Variants in GK5 observed in about 807,000 individuals in gnomAD.
GK5 encodes the protein glycerol kinase 5, also known as ATP:glycerol 3-phosphotransferase 5.
Under a neutral mutation model 77.3 loss-of-function variants are expected in GK5, and 39 were observed. That is an observed-to-expected ratio of 0.50 (90% CI 0.39 to 0.66). The LOEUF (loss-of-function observed/expected upper bound fraction) is 0.66. GK5 is among the 30% of genes least tolerant of loss of function. The pLI, the probability that GK5 is intolerant of heterozygous loss-of-function variation, is 0.00. For synonymous variants in GK5, 211 were observed against 208.0 expected, an observed-to-expected ratio of 1.01 and a Z score of -0.13; for missense variants, 487 against 633.8, an observed-to-expected ratio of 0.77 and a Z score of 2.49.
At chr3:142,219,376 T>C (rs952518819) in intron 1 of GK5, among the ~76,000 whole-genome samples, 5 of 152,310 alleles carry the variant, frequency 3.3e-5, no homozygotes, top group African/African-American at 4.8e-5. Context: ...ATCCATATGA[T>C]AGATACTACT....
chr3:142,188,517 C>T (rs183606957), intron 5 of GK5, among the ~76,000 whole-genome samples: 428 of 152,324 alleles, frequency 2.8e-3, no homozygotes, highest in Non-Finnish European at 4.5e-3. Flanking sequence ...CAGAGCGAGA[C>T]TCCGTCTCAA....
intron 1 of GK5, 138 bp downstream of exon 1, chr3:142,225,170 TG>T: frequency 1.1e-6 from 1 of 921,048 alleles, no homozygotes; most frequent in Non-Finnish European, 1.5e-6. Context: ...CGCGCCGTTC[TG>T]GCCCCAGGGC....
At chr3:142,182,389 G>A (rs1029846964) in intron 10 of GK5, among the ~76,000 whole-genome samples, 4 of 151,568 alleles carry the variant, frequency 2.6e-5, no homozygotes, top group Non-Finnish European at 5.9e-5. Context: ...GCATCACCCA[G>A]GCTGGAGTGC....
intron 15 of GK5, chr3:142,170,068 C>T (rs1385240473): frequency 3.8e-6 from 2 of 526,906 alleles, no homozygotes; most frequent in Non-Finnish European, 6.9e-6. Flanking sequence ...TTGCTAGAGA[C>T]TGACGCAGCT....
At chr3:142,170,108 T>C in intron 15 of GK5, 1 of 620,934 alleles carries the variant, frequency 1.6e-6, no homozygotes, top group Non-Finnish European at 2.9e-6. Context: ...CTCATACTTC[T>C]GACTGAAGGG....
At chr3:142,219,505 A>G (rs2064314855) in intron 1 of GK5, among the ~76,000 whole-genome samples, 1 of 152,234 alleles carries the variant, frequency 6.6e-6, no homozygotes, top group African/African-American at 2.4e-5. Context: ...CATTTATATG[A>G]CATTCTCAAA....
chr3:142,181,276 TCTTTAAGACCTAGC>T (rs2063693902), intron 11 of GK5, among the ~76,000 whole-genome samples, 171 bp downstream of exon 11: 1 of 152,258 alleles, frequency 6.6e-6, no homozygotes, highest in South Asian at 2.1e-4. Context: ...ATGGTTCCTG[TCTTTAAGACCTAGC>T]CTTTTACCAT....
Position 142,176,879 on chromosome 3 carries a change from T to G in GK5, c.1143+603A>C, listed in dbSNP as rs184461397. Among the ~76,000 whole-genome samples the G allele has an allele frequency of 3.9e-5, 6 of 152,200 alleles. No individual in the cohort carries two copies. The East Asian group carries it at 1.2e-3, about 29-fold the overall frequency. ...GGTTTCACCTTGTTAGCCAAGATGG[T>G]CTCGATCTCCTGACCTTGTGATCCA... is the stretch of plus-strand genomic sequence containing the variant. On this transcript the variant is annotated intron_variant, in intron 12 of 15. Transcript: ENST00000392993.
rs1352138665 is a variant in GK5, at chr3:142,161,497, G to C, written c.*4125C>G. ...GTACAAACAAAGTTGCACTAACAAA[G>C]TAAAAATTTATCCCACATACATGAA... On this transcript the variant is annotated 3_prime_UTR_variant, in exon 16 of 16. Coordinates refer to ENST00000392993, the MANE Select transcript of GK5 (RefSeq NM_001039547.3). 1 of 152,170 alleles carries C rather than the reference G, an allele frequency of 6.6e-6. No individual in the cohort carries two copies. Among genetic ancestry groups the C allele is most frequent in the Non-Finnish European group, 1.5e-5 (1 of 68,042 alleles). The allele number at this position is 152,170 out of a possible 1,614,324, so 9.4% of individuals were successfully genotyped here.
chr3:142,187,718 T>C lies in GK5; in HGVS notation c.605A>G (p.Tyr202Cys). The C allele has an allele frequency of 6.2e-7, 1 of 1,610,380 alleles. No homozygotes were observed. Among genetic ancestry groups the C allele is most frequent in the South Asian group, 1.1e-5 (1 of 90,112 alleles). Residue 202 changes from tyrosine to cysteine, a missense_variant, in exon 6 of 16, where the codon TAT becomes TGT. Tyr to Cys is a radical substitution (Grantham distance 194, BLOSUM62 -2). Transcript: ENST00000392993. ...CFGTIDTWLL[Y>C]KLTKGSVYAT... ...GTCATCTTTACCTTTTGTGAGCTTA[T>C]ATAACAACCAGGTATCAATAGTCCC... is the stretch of plus-strand genomic sequence containing the variant.
In GK5 at chr3:142,204,756, C is replaced by A. The variant is rs2064079493; in HGVS notation, c.350G>T (p.Ser117Ile). The A allele has an allele frequency of 6.3e-7, 1 of 1,579,068 alleles. No homozygotes were observed. The highest frequency in any genetic ancestry group is 1.8e-5 in the Admixed American group (1 of 56,156). The change falls in exon 4 of 16, where the codon AGT (serine) becomes ATT (isoleucine). Residue 117 changes from serine (S) to isoleucine (I), a missense_variant. By Grantham distance (142) the Ser-to-Ile change is moderately radical. Transcript: ENST00000392993. ...KTGNHFHNFI[S>I]WQDLRAVELV... ...TTCAACAGCTCTTAAGTCTTGCCAA[C>A]TTATAAAGTTGTGAAAATGATTTCC...
At chr3:142,171,511 A>G (rs1286227388) in intron 13 of GK5, 33 bp from the exon 14 acceptor site, 26 of 1,298,240 alleles carry the variant, frequency 2.0e-5, no homozygotes, top group Non-Finnish European at 2.7e-5. Flanking sequence ...ATTTATAAGA[A>G]ATTCATATCA....
intron 11 of GK5, among the ~76,000 whole-genome samples, chr3:142,180,475 T>C (rs1253036037): frequency 2.6e-5 from 4 of 152,056 alleles, no homozygotes; most frequent in Non-Finnish European, 4.4e-5. Context: ...GCTAATTTTG[T>C]ATTTTTAGTA....
chr3:142,198,975 G>C (rs1392076213), intron 4 of GK5, 42 bp from the exon 5 acceptor site: 1 of 1,480,284 alleles, frequency 6.8e-7, no homozygotes, highest in Non-Finnish European at 9.2e-7. Flanking sequence ...GCATTTAGTA[G>C]TGTTTAAAAT....
At chr3:142,224,170 C>T (rs903028093) in intron 1 of GK5, among the ~76,000 whole-genome samples, 1 of 152,044 alleles carries the variant, frequency 6.6e-6, no homozygotes, top group Non-Finnish European at 1.5e-5. Context: ...TTAGGGAGGC[C>T]GAGGCGGGTG....
chr3:142,204,893 A>G, intron 3 of GK5, 105 bp from the exon 4 acceptor site: 1 of 638,294 alleles, frequency 1.6e-6, no homozygotes. Flanking sequence ...GTAATTGCAA[A>G]GTATAATTTA....
Position 142,183,001 on chromosome 3 carries a change from C to A in GK5, c.865G>T (p.Gly289Cys). ...GTTCCCATGGTTAATTTCACATCAC[C>A]TGTCTGGAAGCAGCACTCTCCAAAC... The part of the protein sequence containing the change: ...AMFGECCFQT[G>C]DVKLTMGTGT... The change falls in exon 10 of 16, where the codon GGT (glycine) becomes TGT (cysteine). Residue 289 changes from glycine to cysteine, a missense_variant. By Grantham distance (159) the Gly-to-Cys change is radical. This residue lies in a region of GK5 where 323 missense variants were observed against 437.4 expected (regional missense o/e 0.74). Coordinates refer to ENST00000392993, the MANE Select transcript of GK5 (RefSeq NM_001039547.3). 6.2e-7 allele frequency: 1 copy of A among 1,613,308 alleles called. No homozygotes were observed. The highest frequency in any genetic ancestry group is 8.5e-7 in the Non-Finnish European group (1 of 1,179,270).
intron 11 of GK5, 31 bp from the exon 12 acceptor site, chr3:142,177,607 T>A: frequency 7.5e-7 from 1 of 1,341,956 alleles, no homozygotes; most frequent in Non-Finnish European, 1.1e-6. Context: ...CAAAAAACCC[T>A]AAAACAAAAT....
Position 142,163,617 on chromosome 3 carries a change from C to T in GK5, c.*2005G>A, listed in dbSNP as rs6808709. 36,355 of 151,790 alleles carry T rather than the reference C, an allele frequency of 0.24. 5,044 individuals carry two copies. The highest frequency in any genetic ancestry group is 0.39 in the African/African-American group (16,254 of 41,350). 9.4% of individuals were successfully genotyped at this position (151,790 alleles called of 1,614,324 possible). A position where few individuals can be genotyped will look rare whatever the true frequency, so the allele number is the denominator to read the frequency against. The stretch of plus-strand genomic sequence containing the variant: ...GTGGTTATATGTTGGGAAAGAAGAA[C>T]GTGGAAAAGAAGTGAACTAACAAAT... On this transcript the variant is annotated 3_prime_UTR_variant, in exon 16 of 16. Coordinates refer to ENST00000392993, the MANE Select transcript of GK5 (RefSeq NM_001039547.3).
Sources: allele counts gnomAD v4.1 joint callset (sites outside exome capture counted in the v4.1 genomes callset), GRCh38; gene constraint gnomAD v4.1.1; regional missense constraint gnomAD v4.1.1; transcripts MANE v1.5; gene names NCBI Gene and HGNC (gene_info 2026-07-23, HGNC 2026-07-21).